RPA3: variants seen among roughly 807,000 people sequenced by gnomAD.
RPA3 encodes the protein replication protein A3.
A neutral mutation model predicts 13.7 loss-of-function variants in RPA3; 24 were observed. That is an observed-to-expected ratio of 1.75 (90% CI 1.27 to 2.46). The LOEUF is 2.46. RPA3 is among the 30% of genes most tolerant of loss of function. The pLI, the probability that RPA3 is intolerant of heterozygous loss-of-function variation, is 0.00. For missense variants in RPA3, 183 were observed against 151.0 expected (o/e 1.21, Z -1.11); for synonymous variants, 59 against 51.2 (o/e 1.15, Z -0.65).
chr7:7,656,190 C>G (rs747454962), intron 4 of RPA3, among the ~76,000 whole-genome samples: 13 of 152,028 alleles, frequency 8.6e-5, no homozygotes, highest in Middle Eastern at 3.2e-3. Context: ...CTTCTGTATA[C>G]ACCATTGTAA....
intron 2 of RPA3, among the ~76,000 whole-genome samples, chr7:7,706,629 C>A (rs550628956): frequency 6.6e-6 from 1 of 152,034 alleles, no homozygotes; most frequent in Non-Finnish European, 1.5e-5. Flanking sequence ...ATGAAGATAA[C>A]TAATAATAAC....
At chr7:7,646,101 C>T (rs983101553) in intron 4 of RPA3, among the ~76,000 whole-genome samples, 2 of 152,174 alleles carry the variant, frequency 1.3e-5, no homozygotes, top group Non-Finnish European at 2.9e-5. Context: ...CTCTTTTAGC[C>T]CTGCCGTCTG....
At chr7:7,649,689 G>A (rs1295775467) in intron 4 of RPA3, among the ~76,000 whole-genome samples, 4 of 151,508 alleles carry the variant, frequency 2.6e-5, no homozygotes, top group African/African-American at 7.3e-5. Context: ...CTTGTTGGTG[G>A]GGGGGCCCAC....
At chr7:7,683,304 A>G (rs1457901313) in intron 4 of RPA3, among the ~76,000 whole-genome samples, 1 of 152,152 alleles carries the variant, frequency 6.6e-6, no homozygotes, top group Non-Finnish European at 1.5e-5. Context: ...TTCTGATTAA[A>G]AGGTCCTGGG....
In RPA3 at chr7:7,640,497, G is replaced by T; in HGVS notation, c.-79C>A. On this transcript the variant is annotated 5_prime_UTR_variant, in exon 5 of 8. It adds an upstream start codon to the 5' untranslated region. Transcript: ENST00000223129. The stretch of plus-strand genomic sequence containing the variant: ...GCGCCCCGCGGGTGTCTATGGGGCA[G>T]ATTTCTCGGCACCAATCAGCGAAGA... The T allele has an allele frequency of 7.4e-7, 1 of 1,342,492 alleles. No homozygotes were observed. Among genetic ancestry groups the T allele is most frequent in the Non-Finnish European group, 1.1e-6 (1 of 942,820 alleles). 83.2% of individuals were successfully genotyped at this position (1,342,492 alleles called of 1,614,324 possible). A position where few individuals can be genotyped will look rare whatever the true frequency, so the allele number is the denominator to read the frequency against.
At chr7:7,652,805 C>A (rs985755808) in intron 4 of RPA3, among the ~76,000 whole-genome samples, 1 of 152,170 alleles carries the variant, frequency 6.6e-6, no homozygotes, top group Non-Finnish European at 1.5e-5. Flanking sequence ...AAGTAGTAAG[C>A]CTTCTGATGA....
rs143647287 is a variant in RPA3 at position 7,686,576 on chromosome 7, T to C, written c.-926-578A>G. 4.9e-3 allele frequency among the ~76,000 whole-genome samples: 751 copies of C among 152,292 alleles called. 7 individuals are homozygous for C. The highest frequency in any genetic ancestry group is 0.017 in the African/African-American group (718 of 41,556). On this transcript the variant is annotated intron_variant, in intron 3 of 7. Transcript: ENST00000223129. ...GGCATGCACGTATACTCATACGAGG[T>C]TGACAGAGTAAGTCAGAGAAACCAC... is the stretch of plus-strand genomic sequence containing the variant.
At chr7:7,639,455 G>A (rs1784917874) in intron 5 of RPA3, among the ~76,000 whole-genome samples, 1 of 152,158 alleles carries the variant, frequency 6.6e-6, no homozygotes, top group African/African-American at 2.4e-5. Flanking sequence ...AGTGAAATCT[G>A]CTGGCACTCA....
intron 2 of RPA3, among the ~76,000 whole-genome samples, chr7:7,702,888 C>G (rs1361222314): frequency 6.6e-6 from 1 of 152,184 alleles, no homozygotes; most frequent in East Asian, 1.9e-4. Flanking sequence ...GCTTCACCCA[C>G]CTGTACAACT....
At chr7:7,715,496 A>T (rs1027649993) in intron 1 of RPA3, among the ~76,000 whole-genome samples, 3 of 152,218 alleles carry the variant, frequency 2.0e-5, no homozygotes, top group Non-Finnish European at 4.4e-5. Context: ...TTATATAAAC[A>T]TTCATGCATT....
chr7:7,649,608 AT>A (rs1192847108), intron 4 of RPA3, among the ~76,000 whole-genome samples: 1 of 151,296 alleles, frequency 6.6e-6, no homozygotes, highest in African/African-American at 2.4e-5. Context: ...TTTTGCATTG[AT>A]TTTTTTGTTA....
intron 4 of RPA3, among the ~76,000 whole-genome samples, chr7:7,644,878 T>G (rs1785060528): frequency 6.6e-6 from 1 of 152,228 alleles, no homozygotes; most frequent in African/African-American, 2.4e-5. Flanking sequence ...TTGATCAAAA[T>G]TGCACTGTAT....
chr7:7,660,512 C>T (rs1162621070), intron 4 of RPA3, among the ~76,000 whole-genome samples: 1 of 152,180 alleles, frequency 6.6e-6, no homozygotes, highest in Non-Finnish European at 1.5e-5. Context: ...GACAAAATCT[C>T]TCAGCATTTG....
At chr7:7,652,162 A>AT (rs1785236113) in intron 4 of RPA3, among the ~76,000 whole-genome samples, 1 of 152,122 alleles carries the variant, frequency 6.6e-6, no homozygotes, top group South Asian at 2.1e-4. Flanking sequence ...TGGACAAAGT[A>AT]TTTTCCACAT....
intron 4 of RPA3, among the ~76,000 whole-genome samples, chr7:7,670,860 T>G (rs1044799092): frequency 4.5e-4 from 68 of 152,298 alleles, no homozygotes; most frequent in Middle Eastern, 3.4e-3. Context: ...CACAGTAGAA[T>G]TTTGGGGGAC....
chr7:7,657,250 C>T (rs1277775188), intron 4 of RPA3, among the ~76,000 whole-genome samples: 6 of 130,494 alleles, frequency 4.6e-5, no homozygotes, highest in Non-Finnish European at 3.4e-5. Flanking sequence ...AATTTTCTCC[C>T]TTTCTGTAGG....
intron 2 of RPA3, chr7:7,689,559 C>G (rs549550916): frequency 9.9e-5 from 15 of 152,258 alleles, no homozygotes; most frequent in African/African-American, 3.1e-4. Flanking sequence ...GACAGATGTG[C>G]TTATAATGCT....
chr7:7,709,624 T>C (rs1401545574), intron 2 of RPA3, among the ~76,000 whole-genome samples: 1 of 152,268 alleles, frequency 6.6e-6, no homozygotes, highest in Non-Finnish European at 1.5e-5. Flanking sequence ...GAAGTCATCT[T>C]TCCCTAACAA....
intron 4 of RPA3, among the ~76,000 whole-genome samples, chr7:7,662,375 C>T (rs1785496225): frequency 1.3e-5 from 2 of 152,148 alleles, no homozygotes; most frequent in South Asian, 4.1e-4. Context: ...GAAAACACTC[C>T]TGCAGCTAGC....
Sources: gnomAD v4.1 joint callset for allele counts (sites outside exome capture counted in the v4.1 genomes callset) on GRCh38, gnomAD v4.1.1 for gene constraint, MANE v1.5 for transcripts, NCBI Gene and HGNC (gene_info 2026-07-23, HGNC 2026-07-21) for gene names.